Variants in UEVLD observed in about 807,000 individuals in gnomAD.
UEVLD encodes the protein UEV and lactate/malate dehyrogenase domains.
In UEVLD, 47 loss-of-function variants were observed where a neutral mutation model predicts 58.6. That is an observed-to-expected ratio of 0.80 (90% CI 0.63 to 1.02). The LOEUF (loss-of-function observed/expected upper bound fraction) is 1.02, where lower values mean the gene tolerates loss of function less well. Ranked by LOEUF, UEVLD falls within the 50% of genes least tolerant of loss-of-function variation. UEVLD has a pLI of 0.00. For missense variants in UEVLD, 510 were observed against 550.6 expected, an observed-to-expected ratio of 0.93 and a Z score of 0.74; for synonymous variants, 197 against 195.3, an observed-to-expected ratio of 1.01 and a Z score of -0.07.
At chr11:18,547,624 T>C (rs1590325065) in intron 7 of UEVLD, among the ~76,000 whole-genome samples, 1 of 152,228 alleles carries the variant, frequency 6.6e-6, no homozygotes, top group East Asian at 1.9e-4. Context: ...CTGAGTTTTT[T>C]ATATAAATTA....
chr11:18,584,604 T>A (rs1853443228), intron 1 of UEVLD, among the ~76,000 whole-genome samples: 1 of 152,192 alleles, frequency 6.6e-6, no homozygotes, highest in South Asian at 2.1e-4. Context: ...CTTATTTATA[T>A]CTTTTGCCCA....
chr11:18,559,675 C>A (rs908583296), intron 6 of UEVLD, among the ~76,000 whole-genome samples: 1 of 152,102 alleles, frequency 6.6e-6, no homozygotes, highest in Non-Finnish European at 1.5e-5. Context: ...ATAATGCCAG[C>A]TTTTTCTTAA....
At chr11:18,575,464 C>A in intron 2 of UEVLD, 52 bp from the exon 3 acceptor site, 1 of 1,555,258 alleles carries the variant, frequency 6.4e-7, no homozygotes, top group Non-Finnish European at 8.7e-7. Context: ...ACAGAAAGAA[C>A]TGTAGTAAAG....
At chr11:18,536,328 A>G in intron 10 of UEVLD, 78 bp downstream of exon 10, 1 of 1,344,448 alleles carries the variant, frequency 7.4e-7, no homozygotes, top group South Asian at 1.2e-5. Context: ...CTGGTTAAGT[A>G]CATACTGTAT....
intron 6 of UEVLD, among the ~76,000 whole-genome samples, chr11:18,562,593 G>A (rs919516779): frequency 1.1e-4 from 17 of 151,710 alleles, no homozygotes; most frequent in African/African-American, 2.9e-4. Context: ...TCGCTGTGTC[G>A]CCCAGGCTGG....
At chr11:18,543,678 T>C (rs1323616348) in intron 9 of UEVLD, among the ~76,000 whole-genome samples, 1 of 152,200 alleles carries the variant, frequency 6.6e-6, no homozygotes, top group Non-Finnish European at 1.5e-5. Flanking sequence ...TATACTTAAA[T>C]GAACAAAATC....
Position 18,588,644 on chromosome 11 carries a change from T to C in UEVLD, c.11A>G (p.Asp4Gly). 1 of 1,609,802 alleles carries C rather than the reference T, an allele frequency of 6.2e-7. No individual in the cohort carries two copies. Among genetic ancestry groups the C allele is most frequent in the Non-Finnish European group, 8.5e-7 (1 of 1,179,844 alleles). MEF[D>G]CEGLRRLLGK... is the part of the protein sequence containing the mutation. ...AAGCAGCCGTCTCAGGCCCTCGCAG[T>C]CGAACTCCATCTCCAGGCCGGTCCC... Residue 4 changes from aspartate (D) to glycine (G), a missense_variant, in exon 1 of 12, where the codon GAC becomes GGC. Transcript: ENST00000396197.
chr11:18,588,715 G>C lies in UEVLD; in HGVS notation c.-61C>G, dbSNP rs1263482559. On this transcript the variant is annotated 5_prime_UTR_variant, in exon 1 of 12. Coordinates refer to ENST00000396197, the MANE Select transcript of UEVLD (RefSeq NM_001040697.4). The stretch of plus-strand genomic sequence containing the variant: ...AGCCCCCGGACCTTCTTCCGGACTT[G>C]CTGCAGGACGGAAGCCGCTGAGGAC... The C allele has an allele frequency of 1.9e-6, 3 of 1,569,716 alleles. No homozygotes were observed. The highest frequency in any genetic ancestry group is 2.6e-6 in the Non-Finnish European group (3 of 1,161,178).
intron 3 of UEVLD, among the ~76,000 whole-genome samples, chr11:18,571,581 A>G (rs1256112155): frequency 2.0e-5 from 3 of 152,154 alleles, no homozygotes; most frequent in East Asian, 3.8e-4. Flanking sequence ...CCTACCCTGC[A>G]CATCTAGCTT....
chr11:18,545,042 C>A (rs7116220), intron 8 of UEVLD, among the ~76,000 whole-genome samples: 2 of 76,324 alleles, frequency 2.6e-5, no homozygotes, highest in East Asian at 3.7e-4. Context: ...GTGTGTATAT[C>A]TATCTATATC....
chr11:18,553,579 G>A (rs1034834095), intron 7 of UEVLD, among the ~76,000 whole-genome samples: 2 of 152,030 alleles, frequency 1.3e-5, no homozygotes, highest in African/African-American at 4.8e-5. Flanking sequence ...GTTCATAGTA[G>A]CACTAGTTAC....
chr11:18,548,716 C>T (rs976570306), intron 7 of UEVLD, among the ~76,000 whole-genome samples: 1 of 152,162 alleles, frequency 6.6e-6, no homozygotes, highest in Non-Finnish European at 1.5e-5. Context: ...CGTGAGCCAC[C>T]GCACCTGGCT....
At chr11:18,587,429 G>A (rs916897244) in intron 1 of UEVLD, among the ~76,000 whole-genome samples, 1 of 152,160 alleles carries the variant, frequency 6.6e-6, no homozygotes, top group Non-Finnish European at 1.5e-5. Flanking sequence ...TATGTAAACT[G>A]CCCCAACAAA....
chr11:18,541,816 G>A (rs904332319), intron 9 of UEVLD, among the ~76,000 whole-genome samples: 1 of 152,208 alleles, frequency 6.6e-6, no homozygotes, highest in Non-Finnish European at 1.5e-5. Flanking sequence ...AACAAAGTGA[G>A]TAAATGTCCC....
chr11:18,572,708 G>A (rs1852687881), intron 3 of UEVLD, among the ~76,000 whole-genome samples: 1 of 151,680 alleles, frequency 6.6e-6, no homozygotes, highest in Admixed American at 6.6e-5. Context: ...GGAGACTGAG[G>A]CAGGAGAATT....
chr11:18,566,980 C>A (rs764211470), intron 4 of UEVLD, among the ~76,000 whole-genome samples: 2 of 152,186 alleles, frequency 1.3e-5, no homozygotes, highest in Non-Finnish European at 2.9e-5. Context: ...TACATATACT[C>A]TTCACCTAGA....
chr11:18,576,112 T>C lies in UEVLD; in HGVS notation c.128-700A>G, dbSNP rs114185437. Among the ~76,000 whole-genome samples, 542 of 152,370 alleles carry C rather than the reference T, an allele frequency of 3.6e-3. 2 individuals are homozygous for C. Among genetic ancestry groups the C allele is most frequent in the African/African-American group, 0.013 (522 of 41,594 alleles). On this transcript the variant is annotated intron_variant, in intron 2 of 11. Coordinates refer to ENST00000396197, the MANE Select transcript of UEVLD (RefSeq NM_001040697.4). ...AGCTGTCCTTGTTCCTTCCTGGGCA[T>C]AGGCTGAACTCACTTTGGGAAGAAC...
At chr11:18,557,539 TTTTTTTTC>T (rs1301748611) in intron 7 of UEVLD, among the ~76,000 whole-genome samples, 2 of 151,152 alleles carry the variant, frequency 1.3e-5, no homozygotes, top group Middle Eastern at 3.2e-3. Flanking sequence ...GTAAACTGAA[TTTTTTTTC>T]TTTTTTTCTT....
intron 4 of UEVLD, among the ~76,000 whole-genome samples, chr11:18,566,805 T>A (rs1852324472): frequency 6.6e-6 from 1 of 152,218 alleles, no homozygotes; most frequent in African/African-American, 2.4e-5. Flanking sequence ...CTGAATACTT[T>A]TAACTGAAAA....
Sources: gnomAD v4.1 joint callset for allele counts (sites outside exome capture counted in the v4.1 genomes callset) on GRCh38, gnomAD v4.1.1 for gene constraint, MANE v1.5 for transcripts, NCBI Gene and HGNC (gene_info 2026-07-23, HGNC 2026-07-21) for gene names.